The following LRMDA variants were observed in gnomAD, a reference collection of about 807,000 sequenced individuals.
LRMDA encodes the protein leucine rich melanocyte differentiation associated, also known as leucine-rich melanocyte differentiation-associated protein.
Under a neutral mutation model 29.8 loss-of-function variants are expected in LRMDA, and 18 were observed. The observed-to-expected ratio is 0.60, with a 90% CI of 0.42 to 0.90. The LOEUF is 0.90. Ranked by LOEUF, LRMDA falls within the 40% of genes least tolerant of loss-of-function variation. The probability of loss-of-function intolerance (pLI) is 0.00; values close to 1 mark genes in which losing one functional copy is unlikely to be tolerated. For synonymous variants in LRMDA, 125 were observed against 109.4 expected (o/e 1.14, Z -0.89); for missense variants, 273 against 273.9 (o/e 1.00, Z 0.02).
intron 6 of LRMDA, among the ~76,000 whole-genome samples, chr10:76,469,510 C>A (rs1352002960): frequency 6.6e-6 from 1 of 151,976 alleles, no homozygotes; most frequent in Non-Finnish European, 1.5e-5. Context: ...AGTGTCATAT[C>A]TGCCTCAGTC....
At chr10:75,548,708 T>C (rs749305808) in intron 2 of LRMDA, among the ~76,000 whole-genome samples, 56 of 152,184 alleles carry the variant, frequency 3.7e-4, no homozygotes, top group Admixed American at 2.3e-3. Flanking sequence ...TATTGAAATA[T>C]GTAATATTTC....
chr10:75,509,667 C>A (rs912586893), intron 2 of LRMDA, among the ~76,000 whole-genome samples: 1 of 152,204 alleles, frequency 6.6e-6, no homozygotes, highest in Admixed American at 6.5e-5. Flanking sequence ...GTCAACTATC[C>A]TTTCCACTTC....
chr10:75,903,445 GAA>G (rs1427479651), intron 2 of LRMDA, among the ~76,000 whole-genome samples: 2 of 152,206 alleles, frequency 1.3e-5, no homozygotes, highest in African/African-American at 4.8e-5. Context: ...TCCTCTGAAA[GAA>G]AGGAGCCATA....
At chr10:76,358,657 C>T (rs1447746665) in intron 6 of LRMDA, among the ~76,000 whole-genome samples, 1 of 152,146 alleles carries the variant, frequency 6.6e-6, no homozygotes, top group African/African-American at 2.4e-5. Context: ...ACAAGAGTCC[C>T]ATTAAAATGC....
chr10:76,479,948 T>C (rs1842719247), intron 6 of LRMDA, among the ~76,000 whole-genome samples: 1 of 152,004 alleles, frequency 6.6e-6, no homozygotes, highest in Non-Finnish European at 1.5e-5. Flanking sequence ...CAGTAGGCTC[T>C]GTGGCAAAAA....
intron 2 of LRMDA, among the ~76,000 whole-genome samples, chr10:75,963,685 G>A (rs1025271540): frequency 6.6e-6 from 1 of 152,190 alleles, no homozygotes; most frequent in Non-Finnish European, 1.5e-5. Flanking sequence ...GAGTTGTGAG[G>A]TGGAATGAGA....
intron 2 of LRMDA, among the ~76,000 whole-genome samples, chr10:75,614,635 A>G (rs1841076101): frequency 1.3e-5 from 2 of 152,024 alleles, no homozygotes; most frequent in African/African-American, 4.8e-5. Context: ...TGGAGAGGAG[A>G]GGGGGCACTT....
At chr10:76,366,643 A>G (rs1193198646) in intron 6 of LRMDA, among the ~76,000 whole-genome samples, 4 of 152,170 alleles carry the variant, frequency 2.6e-5, no homozygotes, top group African/African-American at 7.2e-5. Context: ...CAGTTCTACA[A>G]GTTTTCTGGA....
intron 2 of LRMDA, among the ~76,000 whole-genome samples, chr10:75,850,704 C>A (rs1844717505): frequency 6.6e-6 from 1 of 152,122 alleles, no homozygotes; most frequent in South Asian, 2.1e-4. Flanking sequence ...TCGGTTCCTG[C>A]CATCTTGGAG....
intron 5 of LRMDA, among the ~76,000 whole-genome samples, chr10:76,095,201 T>C (rs766075599): frequency 1.3e-5 from 2 of 152,238 alleles, no homozygotes; most frequent in Non-Finnish European, 2.9e-5. Flanking sequence ...GATCCTAAAA[T>C]GTTGCCTTTT....
At chr10:75,903,893 T>G (rs920909859) in intron 2 of LRMDA, among the ~76,000 whole-genome samples, 1 of 152,250 alleles carries the variant, frequency 6.6e-6, no homozygotes, top group African/African-American at 2.4e-5. Context: ...GTTGCTTAAA[T>G]TCTCCAAACT....
chr10:75,537,412 T>G (rs1429161443), intron 2 of LRMDA, among the ~76,000 whole-genome samples: 1 of 152,186 alleles, frequency 6.6e-6, no homozygotes, highest in Non-Finnish European at 1.5e-5. Context: ...AGTTGTTAAG[T>G]CTCTCTAAGC....
At chr10:75,908,770 C>T (rs770959961) in intron 2 of LRMDA, among the ~76,000 whole-genome samples, 14 of 152,184 alleles carry the variant, frequency 9.2e-5, no homozygotes, top group Non-Finnish European at 1.5e-4. Flanking sequence ...GCTCTACACG[C>T]GCTCTTTCCC....
At chr10:76,126,068 A>G (rs1589338735) in intron 5 of LRMDA, among the ~76,000 whole-genome samples, 1 of 152,168 alleles carries the variant, frequency 6.6e-6, no homozygotes, top group Non-Finnish European at 1.5e-5. Flanking sequence ...TGACATTCAA[A>G]CCACACACAT....
Position 75,562,725 on chromosome 10 carries a change from G to C in LRMDA, c.131+124231G>C, listed in dbSNP as rs908935608. 7.9e-5 allele frequency among the ~76,000 whole-genome samples: 12 copies of C among 152,060 alleles called. 1 individual carries two copies. The highest frequency in any genetic ancestry group is 2.4e-4 in the African/African-American group (10 of 41,348). ...CAGGAGCTCTTTTAGGGCAGGCCTG[G>C]TGGTGACAAAATCTCTCAGCATTTG... On this transcript the variant is annotated intron_variant, in intron 2 of 6. Coordinates refer to ENST00000611255, the MANE Select transcript of LRMDA (RefSeq NM_001305581.2).
At chr10:76,148,293 A>G (rs1199795259) in intron 5 of LRMDA, among the ~76,000 whole-genome samples, 1 of 152,208 alleles carries the variant, frequency 6.6e-6, no homozygotes, top group Admixed American at 6.5e-5. Flanking sequence ...GGTGGAGCCT[A>G]CAGAGGCAGG....
intron 2 of LRMDA, among the ~76,000 whole-genome samples, chr10:75,551,692 C>T (rs1422002877): frequency 6.6e-6 from 1 of 152,076 alleles, no homozygotes; most frequent in Non-Finnish European, 1.5e-5. Context: ...CATAGTATTC[C>T]ATGGTGTATA....
At chr10:76,269,972 A>C (rs1487364818) in intron 5 of LRMDA, among the ~76,000 whole-genome samples, 1 of 152,142 alleles carries the variant, frequency 6.6e-6, no homozygotes, top group Non-Finnish European at 1.5e-5. Context: ...ATGTTAGTAC[A>C]TTTCTCATTC....
intron 2 of LRMDA, among the ~76,000 whole-genome samples, chr10:75,744,084 G>T (rs1027018085): frequency 1.3e-5 from 2 of 152,208 alleles, no homozygotes; most frequent in African/African-American, 4.8e-5. Context: ...TGGCTGTTGT[G>T]TGTTGGTGAC....
Sources: allele counts gnomAD v4.1 joint callset (sites outside exome capture counted in the v4.1 genomes callset), GRCh38; gene constraint gnomAD v4.1.1; transcripts MANE v1.5; gene names NCBI Gene and HGNC (gene_info 2026-07-23, HGNC 2026-07-21).